The following CSTPP1 variants were observed in gnomAD, a reference collection of about 807,000 sequenced individuals.
CSTPP1 encodes the protein UPF0705 protein C11orf49.
the CSTPP1 span, among the ~76,000 whole-genome samples, chr11:47,125,230 G>T: frequency 1.3e-5 from 2 of 152,142 alleles, no homozygotes; most frequent in Non-Finnish European, 2.9e-5. Context: ...TCTTCTTTCT[G>T]GTTCTTGCTG....
At chr11:46,956,717 G>T in the CSTPP1 span, among the ~76,000 whole-genome samples, 9 of 151,642 alleles carry the variant, frequency 5.9e-5, no homozygotes, top group Admixed American at 2.6e-4. Flanking sequence ...TGCTTAAATT[G>T]CTCTTCTTGA....
At chr11:46,942,590 G>A in the CSTPP1 span, among the ~76,000 whole-genome samples, 3 of 152,086 alleles carry the variant, frequency 2.0e-5, no homozygotes, top group African/African-American at 7.2e-5. Context: ...AATCAAAGAT[G>A]GCCTTTCTCC....
At chr11:47,141,932 C>CAAAAA in the CSTPP1 span, among the ~76,000 whole-genome samples, 2 of 37,868 alleles carry the variant, frequency 5.3e-5, no homozygotes, top group African/African-American at 9.5e-5. Context: ...GACTCTGTCT[C>CAAAAA]AAAAAAAAAA....
the CSTPP1 span, chr11:46,947,969 C>T: frequency 2.3e-6 from 1 of 443,896 alleles, no homozygotes; most frequent in South Asian, 1.6e-5. Context: ...AGAACTCCTC[C>T]TGTGGCCAAC....
chr11:46,982,253 T>G, the CSTPP1 span, among the ~76,000 whole-genome samples: 1 of 152,060 alleles, frequency 6.6e-6, no homozygotes, highest in Non-Finnish European at 1.5e-5. Context: ...ACTCTATGTA[T>G]TTATCAATTT....
the CSTPP1 span, among the ~76,000 whole-genome samples, chr11:47,012,104 G>A: frequency 6.7e-6 from 1 of 148,762 alleles, no homozygotes; most frequent in Admixed American, 6.7e-5. Context: ...GCAGTACCTC[G>A]TTTAAAAAAA....
chr11:47,020,369 ATTT>A, the CSTPP1 span, among the ~76,000 whole-genome samples: 2 of 152,204 alleles, frequency 1.3e-5, no homozygotes, highest in African/African-American at 4.8e-5. Flanking sequence ...TTAAAAGCCT[ATTT>A]GGTTTTTTCT....
At chr11:47,150,994 C>G in the CSTPP1 span, among the ~76,000 whole-genome samples, 2 of 148,300 alleles carry the variant, frequency 1.3e-5, no homozygotes, top group African/African-American at 5.0e-5. Context: ...TCAAGCGATT[C>G]TCCAGCCTCA....
chr11:47,155,544 A>G, the CSTPP1 span: 2 of 500,390 alleles, frequency 4.0e-6, no homozygotes, highest in Non-Finnish European at 7.2e-6. Context: ...CAATAACAAC[A>G]TCCATAGCAT....
the CSTPP1 span, among the ~76,000 whole-genome samples, chr11:47,113,511 A>G: frequency 6.6e-6 from 1 of 152,032 alleles, no homozygotes; most frequent in East Asian, 1.9e-4. Flanking sequence ...TCCAGCATCT[A>G]TTGTTTCCTG....
chr11:46,987,292 C>A, the CSTPP1 span: 39 of 1,613,844 alleles, frequency 2.4e-5, no homozygotes, highest in African/African-American at 4.4e-4. Flanking sequence ...TATGGAATTG[C>A]CAGGTTCTTC....
chr11:47,072,362 G>A, the CSTPP1 span, among the ~76,000 whole-genome samples: 16 of 152,296 alleles, frequency 1.1e-4, no homozygotes, highest in East Asian at 9.6e-4. Context: ...AACCTTTAAA[G>A]CTGTAAATTA....
At chr11:46,976,906 AC>A in the CSTPP1 span, among the ~76,000 whole-genome samples, 1 of 152,078 alleles carries the variant, frequency 6.6e-6, no homozygotes, top group South Asian at 2.1e-4. Context: ...GTTGGAAAAA[AC>A]CCTCACTTTT....
the CSTPP1 span, among the ~76,000 whole-genome samples, chr11:46,959,871 T>TC: frequency 6.6e-6 from 1 of 150,802 alleles, no homozygotes; most frequent in East Asian, 1.9e-4. Flanking sequence ...AATAATTTTT[T>TC]TTTTTTTTTT....
the CSTPP1 span, among the ~76,000 whole-genome samples, chr11:47,151,055 G>A: frequency 1.3e-5 from 2 of 151,898 alleles, no homozygotes; most frequent in Admixed American, 1.3e-4. Context: ...CCCGGCCTCT[G>A]TGAAGGGTTT....
At chr11:47,014,022 A>G in the CSTPP1 span, among the ~76,000 whole-genome samples, 101,124 of 151,900 alleles carry the variant, frequency 0.67, 34,159 homozygotes, top group African/African-American at 0.71. Flanking sequence ...CCTGGGCAAC[A>G]TGACAAAACC....
the CSTPP1 span, among the ~76,000 whole-genome samples, chr11:47,019,072 A>G: frequency 6.6e-6 from 1 of 151,932 alleles, no homozygotes; most frequent in Non-Finnish European, 1.5e-5. Flanking sequence ...CAATGGTGCA[A>G]TCTCAGCTCA....
At chr11:47,121,404 T>A in the CSTPP1 span, among the ~76,000 whole-genome samples, 2 of 152,188 alleles carry the variant, frequency 1.3e-5, no homozygotes, top group Admixed American at 1.3e-4. Context: ...CATTTAGATA[T>A]TTGGCATTGC....
the CSTPP1 span, chr11:46,947,971 G>A: frequency 6.9e-6 from 3 of 436,400 alleles, no homozygotes; most frequent in Non-Finnish European, 1.4e-5. Flanking sequence ...AACTCCTCCT[G>A]TGGCCAACTT....
Sources: gnomAD v4.1 joint callset for allele counts (sites outside exome capture counted in the v4.1 genomes callset) on GRCh38, gnomAD v4.1.1 for gene constraint, MANE v1.5 for transcripts, NCBI Gene and HGNC (gene_info 2026-07-23, HGNC 2026-07-21) for gene names.